PTGES: variants seen among roughly 807,000 people sequenced by gnomAD.
PTGES encodes the protein prostaglandin E synthase.
Under a neutral mutation model 11.8 loss-of-function variants are expected in PTGES, and 3 were observed. That is an observed-to-expected ratio of 0.25 (90% CI 0.12 to 0.66). The LOEUF is 0.66. Ranked by LOEUF, PTGES falls within the 30% of genes least tolerant of loss-of-function variation. The probability of loss-of-function intolerance (pLI) is 0.82; values close to 1 mark genes in which losing one functional copy is unlikely to be tolerated. For missense variants in PTGES, 180 were observed against 213.0 expected (o/e 0.85, Z 0.96); for synonymous variants, 94 against 90.4 (o/e 1.04, Z -0.22).
intron 1 of PTGES, among the ~76,000 whole-genome samples, chr9:129,752,448 T>C (rs1238846134): frequency 6.6e-6 from 1 of 152,222 alleles, no homozygotes; most frequent in Non-Finnish European, 1.5e-5. Context: ...GTGGGCTTGT[T>C]AGTGACATTT....
chr9:129,750,433 G>T (rs1833091715), intron 1 of PTGES, among the ~76,000 whole-genome samples: 1 of 152,156 alleles, frequency 6.6e-6, no homozygotes, highest in Non-Finnish European at 1.5e-5. Flanking sequence ...AACACCGAAG[G>T]CTCTGTCCGT....
chr9:129,752,687 C>T (rs1833124952), intron 1 of PTGES, among the ~76,000 whole-genome samples, 200 bp downstream of exon 1: 1 of 152,256 alleles, frequency 6.6e-6, no homozygotes, highest in South Asian at 2.1e-4. Context: ...CGAGTAAGTG[C>T]TCTTAAGCCA....
rs1833052366 is a variant in PTGES at position 129,746,868 on chromosome 9, T to G, written c.209+1787A>C. 2.6e-5 allele frequency among the ~76,000 whole-genome samples: 4 copies of G among 152,216 alleles called. No individual in the cohort carries two copies. In the South Asian group the frequency reaches 8.3e-4, roughly 32 times the overall value. ...TAATATTGACTGTGATTATGTGAAA[T>G]TAGCATTTAGTCTCTGATGGGATTT... is the stretch of plus-strand genomic sequence containing the variant. On this transcript the variant is annotated intron_variant, in intron 2 of 2. Coordinates refer to ENST00000340607, the MANE Select transcript of PTGES (RefSeq NM_004878.5).
chr9:129,742,337 A>G (rs890281302), intron 2 of PTGES, among the ~76,000 whole-genome samples: 1 of 150,324 alleles, frequency 6.7e-6, no homozygotes, highest in Non-Finnish European at 1.5e-5. Context: ...TCAAAAAAAA[A>G]AAAAAAAAAA....
chr9:129,745,049 C>T lies in PTGES; in HGVS notation c.209+3606G>A, dbSNP rs563945641. 3.5e-4 allele frequency among the ~76,000 whole-genome samples: 53 copies of T among 152,208 alleles called. No homozygotes were observed. Among genetic ancestry groups the T allele is most frequent in the African/African-American group, 1.3e-3 (53 of 41,524 alleles). On this transcript the variant is annotated intron_variant, in intron 2 of 2. Coordinates refer to ENST00000340607, the MANE Select transcript of PTGES (RefSeq NM_004878.5). This position sits in a 1 kb window ranked among gnomAD's most constrained non-coding sequence, Gnocchi z 4.2. Reference sequence around the variant, plus strand: ...ACAAAATGTACATGCTGGATGACATCTAAGGGACTTCTAGGGCTGACATTT... The same window carrying T: ...ACAAAATGTACATGCTGGATGACATTTAAGGGACTTCTAGGGCTGACATTT...
At chr9:129,744,208 G>A (rs1226762665) in intron 2 of PTGES, among the ~76,000 whole-genome samples, 1 of 152,068 alleles carries the variant, frequency 6.6e-6, no homozygotes, top group African/African-American at 2.4e-5. Flanking sequence ...GCCCTGTCCT[G>A]GACACCATCG....
intron 1 of PTGES, among the ~76,000 whole-genome samples, chr9:129,750,606 G>A (rs1227887548): frequency 6.6e-6 from 1 of 152,228 alleles, no homozygotes; most frequent in African/African-American, 2.4e-5. Flanking sequence ...GTCAGCGGCC[G>A]AGGTGCCACC....
chr9:129,746,514 G>T (rs546412963), intron 2 of PTGES, among the ~76,000 whole-genome samples: 3 of 152,296 alleles, frequency 2.0e-5, no homozygotes, highest in East Asian at 3.9e-4. Context: ...CTTCCTACAT[G>T]ACACAGGTCT....
intron 2 of PTGES, among the ~76,000 whole-genome samples, chr9:129,742,915 A>G (rs1229584728): frequency 6.6e-6 from 1 of 152,056 alleles, no homozygotes; most frequent in Admixed American, 6.6e-5. Context: ...AGCTGTTAAG[A>G]GAATCATAGT....
At chr9:129,742,733 G>A (rs577879348) in intron 2 of PTGES, among the ~76,000 whole-genome samples, 1 of 152,042 alleles carries the variant, frequency 6.6e-6, no homozygotes, top group East Asian at 1.9e-4. Flanking sequence ...TCAGTCAGGC[G>A]TGGTGGCAGG....
Position 129,738,797 on chromosome 9 carries a change from C to G in PTGES, c.*814G>C, listed in dbSNP as rs1184213393. On this transcript the variant is annotated 3_prime_UTR_variant, in exon 3 of 3. Transcript: ENST00000340607. This position sits in a 1 kb window ranked among gnomAD's most constrained non-coding sequence, Gnocchi z 4.2. ...CTTCCACAGAGAACTGGCAGGGGTC[C>G]CCTGGCCTGGCCATCACAGGGACTC... The G allele has an allele frequency of 6.6e-6, 1 of 152,306 alleles. No homozygotes were observed. The highest frequency in any genetic ancestry group is 2.4e-5 in the African/African-American group (1 of 41,426). 9.4% of individuals were successfully genotyped at this position (152,306 alleles called of 1,614,324 possible). A position where few individuals can be genotyped will look rare whatever the true frequency, so the allele number is the denominator to read the frequency against.
intron 2 of PTGES, among the ~76,000 whole-genome samples, chr9:129,742,504 G>A (rs535965747): frequency 6.6e-6 from 1 of 152,310 alleles, no homozygotes; most frequent in South Asian, 2.1e-4. Context: ...TCACAAGGGA[G>A]TGCCACCTGG....
Position 129,749,281 on chromosome 9 carries a change from A to C in PTGES, c.127-544T>G, listed in dbSNP as rs139910909. On this transcript the variant is annotated intron_variant, in intron 1 of 2. Transcript: ENST00000340607. ...TGTGAGCCAAGCACTTTGGGAAGCC[A>C]AGATAGGAGGATTGCTTGAGCTTCC... 3.9e-5 allele frequency among the ~76,000 whole-genome samples: 6 copies of C among 152,024 alleles called. No individual in the cohort carries two copies. In the East Asian group the frequency reaches 1.2e-3, roughly 29 times the overall value.
At chr9:129,748,615 A>G (rs1241479386) in intron 2 of PTGES, 40 bp downstream of exon 2, 15 of 1,480,150 alleles carry the variant, frequency 1.0e-5, no homozygotes, top group Non-Finnish European at 1.2e-5. Flanking sequence ...AGGGCAGGCC[A>G]TGGCCAGGTG....
chr9:129,742,867 G>A (rs188371165), intron 2 of PTGES, among the ~76,000 whole-genome samples: 55 of 150,116 alleles, frequency 3.7e-4, no homozygotes, highest in Admixed American at 8.6e-4. Flanking sequence ...GTGAGACTCC[G>A]TCTCAAAAAA....
At chr9:129,742,946 G>A (rs1432198979) in intron 2 of PTGES, among the ~76,000 whole-genome samples, 4 of 152,142 alleles carry the variant, frequency 2.6e-5, no homozygotes, top group Non-Finnish European at 5.9e-5. Context: ...CACAAACATA[G>A]CCAAACCCTG....
chr9:129,739,792 C>T lies in PTGES; in HGVS notation c.278G>A (p.Gly93Asp). The change falls in exon 3 of 3, where the codon GGT becomes GAT. Residue 93 changes from glycine to aspartate, a missense_variant. Gly to Asp is a moderately conservative substitution (Grantham distance 94). Coordinates refer to ENST00000340607, the MANE Select transcript of PTGES (RefSeq NM_004878.5). The surrounding 1 kb of genome is among the most constrained non-coding windows in gnomAD (Gnocchi z 5.7). ...LFLGFVYSFLGPNPFVAWMHF... is the reference protein window; with the variant it reads ...LFLGFVYSFLDPNPFVAWMHF... ...CATCCAGGCGACAAAAGGGTTAGGA[C>T]CCAGAAAGGAGTAGACGAAGCCCAG... is the stretch of plus-strand genomic sequence containing the variant. The T allele has an allele frequency of 1.3e-6, 2 of 1,575,384 alleles. No individual in the cohort carries two copies. The highest frequency in any genetic ancestry group is 1.9e-5 in the Admixed American group (1 of 53,914).
chr9:129,751,191 C>T lies in PTGES; in HGVS notation c.126+1696G>A, dbSNP rs542336884. Among the ~76,000 whole-genome samples, 442 of 152,044 alleles carry T rather than the reference C, an allele frequency of 2.9e-3. 1 individual carries two copies. Among genetic ancestry groups the T allele is most frequent in the Non-Finnish European group, 4.8e-3 (323 of 67,992 alleles). On this transcript the variant is annotated intron_variant, in intron 1 of 2. Coordinates refer to ENST00000340607, the MANE Select transcript of PTGES (RefSeq NM_004878.5). ...AAACATAAAAAATTAGGAGCAGTGA[C>T]GCACACCTATAGTCCCAGCTACTTG...
Position 129,739,393 on chromosome 9 carries a change from G to C in PTGES, c.*218C>G, listed in dbSNP as rs200989054. On this transcript the variant is annotated 3_prime_UTR_variant, in exon 3 of 3. Transcript: ENST00000340607. This position sits in a 1 kb window ranked among gnomAD's most constrained non-coding sequence, Gnocchi z 5.7. ...TGAAATGGTTCCCATCAGCCACTTCGTGCAGGAATCCAAGGGGCTAAGAAA... is the reference window on the plus strand; with the variant it reads ...TGAAATGGTTCCCATCAGCCACTTCCTGCAGGAATCCAAGGGGCTAAGAAA... The C allele has an allele frequency of 3.3e-6, 2 of 609,452 alleles. 1 individual carries two copies. The highest frequency in any genetic ancestry group is 3.7e-5 in the African/African-American group (2 of 53,754). The allele number at this position is 609,452 out of a possible 1,614,324, so 37.8% of individuals were successfully genotyped here.
Sources: allele counts gnomAD v4.1 joint callset (sites outside exome capture counted in the v4.1 genomes callset), GRCh38; gene constraint gnomAD v4.1.1; non-coding constraint Gnocchi (gnomAD v3.1); transcripts MANE v1.5; gene names NCBI Gene and HGNC (gene_info 2026-07-23, HGNC 2026-07-21).